TMEM132E: variants seen among roughly 807,000 people sequenced by gnomAD.
The protein encoded by TMEM132E is transmembrane protein 132E.
Under a neutral mutation model 78.5 loss-of-function variants are expected in TMEM132E, and 49 were observed. The ratio of observed to expected loss-of-function variants is 0.62; its 90% CI spans 0.50 to 0.79. The LOEUF (loss-of-function observed/expected upper bound fraction) is 0.79, where lower values mean the gene tolerates loss of function less well. Ranked by LOEUF, TMEM132E falls within the 30% of genes least tolerant of loss-of-function variation. TMEM132E has a pLI of 0.00. For synonymous variants in TMEM132E, 715 were observed against 670.6 expected (o/e 1.07, Z -1.02); for missense variants, 1,403 against 1,470.9 (o/e 0.95, Z 0.75).
In TMEM132E at chr17:34,626,155, C is replaced by T; in HGVS notation, c.96C>T (p.Pro32=). The stretch of plus-strand genomic sequence containing the variant: ...CTGGCCGCTCCCACCCGGCCAGCCC[C>T]AGCCCGCCGGGGCCGCAGGCCAGCC... The part of the protein sequence containing the change: ...HASGRSHPAS[P]SPPGPQASPV... Residue 32 remains proline (P), a synonymous_variant, in exon 2 of 9, where the codon CCC becomes CCT. Coordinates refer to ENST00000631683, the MANE Select transcript of TMEM132E (RefSeq NM_001304438.2). 6.5e-7 allele frequency: 1 copy of T among 1,546,484 alleles called. No individual in the cohort carries two copies. Among genetic ancestry groups the T allele is most frequent in the Non-Finnish European group, 8.7e-7 (1 of 1,148,476 alleles).
At chr17:34,593,996 C>T (rs376810130) in intron 1 of TMEM132E, among the ~76,000 whole-genome samples, 57 of 152,286 alleles carry the variant, frequency 3.7e-4, no homozygotes, top group African/African-American at 1.3e-3. Flanking sequence ...CGAATAAACA[C>T]GATTCCCGCC....
chr17:34,632,654 A>T, intron 5 of TMEM132E, 50 bp from the exon 6 acceptor site: 1 of 1,606,016 alleles, frequency 6.2e-7, no homozygotes, highest in African/African-American at 1.3e-5. Flanking sequence ...GCACTGCCTC[A>T]CAGGAAGACC....
At position 34,638,213 on chromosome 17, in the gene TMEM132E, G is replaced by C. The variant is rs925259861; in HGVS notation, c.3206G>C (p.Arg1069Thr). Residue 1069 changes from arginine (R) to threonine (T), a missense_variant, in exon 9 of 9, where the codon AGA (arginine) becomes ACA (threonine). Physicochemically the swap from Arg to Thr is moderately conservative, Grantham distance 71. This residue lies in a region of TMEM132E where 888 missense variants were observed against 952.8 expected (regional missense o/e 0.93). Coordinates refer to ENST00000631683, the MANE Select transcript of TMEM132E (RefSeq NM_001304438.2). Reference protein sequence around the residue: ...APPDLHNYMRRIKEIA With the variant: ...APPDLHNYMRTIKEIA ...CCGGACCTGCACAATTACATGCGCA[G>C]AATCAAAGAGATTGCATAGAGGCGC... 6.3e-7 allele frequency: 1 copy of C among 1,593,648 alleles called. No individual in the cohort carries two copies. The highest frequency in any genetic ancestry group is 8.5e-7 in the Non-Finnish European group (1 of 1,171,636).
At chr17:34,585,299 C>T (rs1414202092) in intron 1 of TMEM132E, among the ~76,000 whole-genome samples, 1 of 152,148 alleles carries the variant, frequency 6.6e-6, no homozygotes. Context: ...GTCTCCTAGG[C>T]CCTTGCCGGG....
intron 1 of TMEM132E, among the ~76,000 whole-genome samples, chr17:34,624,046 G>C (rs1461268453): frequency 3.3e-5 from 5 of 152,212 alleles, no homozygotes; most frequent in African/African-American, 1.2e-4. Context: ...GAAGTGGTGA[G>C]AGCATGTGCC....
chr17:34,591,188 G>C (rs1343263925), intron 1 of TMEM132E, among the ~76,000 whole-genome samples: 2 of 152,150 alleles, frequency 1.3e-5, no homozygotes, highest in Non-Finnish European at 2.9e-5. Context: ...GGACATGCCT[G>C]TGACTTCACA....
intron 1 of TMEM132E, chr17:34,614,814 T>A (rs1351578333): frequency 6.6e-6 from 1 of 152,280 alleles, no homozygotes; most frequent in Non-Finnish European, 1.5e-5. Context: ...GAGGTCCACA[T>A]CACCCTATCC....
At chr17:34,601,108 A>G (rs1274972580) in intron 1 of TMEM132E, among the ~76,000 whole-genome samples, 1 of 152,224 alleles carries the variant, frequency 6.6e-6, no homozygotes, top group Non-Finnish European at 1.5e-5. Context: ...TGCAGTTTTC[A>G]GGAGGATTTC....
intron 1 of TMEM132E, among the ~76,000 whole-genome samples, chr17:34,601,754 C>A (rs896271296): frequency 6.6e-6 from 1 of 152,180 alleles, no homozygotes; most frequent in Non-Finnish European, 1.5e-5. Flanking sequence ...AGGAGGCAGT[C>A]TCCTGGCTAC....
At chr17:34,629,307 T>C (rs1907267616) in intron 4 of TMEM132E, 103 bp downstream of exon 4, 10 of 1,262,224 alleles carry the variant, frequency 7.9e-6, no homozygotes, top group Admixed American at 2.4e-5. Flanking sequence ...CAAATTGACA[T>C]GTGTGTATAT....
chr17:34,629,525 G>T (rs961829980), intron 4 of TMEM132E, among the ~76,000 whole-genome samples: 12 of 152,186 alleles, frequency 7.9e-5, no homozygotes, highest in Non-Finnish European at 1.6e-4. Context: ...TCCCAGAGAT[G>T]CAGGGTGTGT....
chr17:34,613,185 ACACACACACACC>A (rs1324239418), intron 1 of TMEM132E, among the ~76,000 whole-genome samples: 97 of 107,576 alleles, frequency 9.0e-4, no homozygotes, highest in African/African-American at 2.8e-3. Flanking sequence ...ACACACACAC[ACACACACACACC>A]CACACACACA....
At chr17:34,614,671 A>G (rs961503495) in intron 1 of TMEM132E, 6 of 152,222 alleles carry the variant, frequency 3.9e-5, no homozygotes, top group African/African-American at 1.4e-4. Flanking sequence ...TGTCCCCTAC[A>G]TCTGATATCT....
At chr17:34,588,393 T>C (rs1905751905) in intron 1 of TMEM132E, among the ~76,000 whole-genome samples, 1 of 152,204 alleles carries the variant, frequency 6.6e-6, no homozygotes, top group Admixed American at 6.5e-5. Context: ...TCTGCCTCTG[T>C]ATTCCCAGAG....
intron 1 of TMEM132E, among the ~76,000 whole-genome samples, chr17:34,604,719 G>A (rs1418807282): frequency 6.6e-6 from 1 of 152,176 alleles, no homozygotes; most frequent in Non-Finnish European, 1.5e-5. Flanking sequence ...CCTTGAGGGA[G>A]CAAAGAAAGG....
At chr17:34,588,162 C>T (rs1046262918) in intron 1 of TMEM132E, among the ~76,000 whole-genome samples, 6 of 152,162 alleles carry the variant, frequency 3.9e-5, no homozygotes, top group Admixed American at 2.0e-4. Context: ...GCATGCTGTT[C>T]CCTCTGACCA....
Position 34,638,305 on chromosome 17 carries a change from CG to C in TMEM132E, c.*75del. 1 of 1,388,384 alleles carries C rather than the reference CG, an allele frequency of 7.2e-7. No individual in the cohort carries two copies. The highest frequency in any genetic ancestry group is 9.6e-7 in the Non-Finnish European group (1 of 1,043,814). 86.0% of individuals were successfully genotyped at this position (1,388,384 alleles called of 1,614,324 possible). On this transcript the variant is annotated 3_prime_UTR_variant, in exon 9 of 9. Coordinates refer to ENST00000631683, the MANE Select transcript of TMEM132E (RefSeq NM_001304438.2). ...TCGGGGTAGGACACAGCCGGGACCC[CG>C]GTTCACACTGACTCTGGGCGGCTGA...
chr17:34,581,065 C>A lies in TMEM132E; in HGVS notation c.-12C>A. Reference sequence around the variant, plus strand: ...GTTGCTCTCTCGGACCCCTCCCGCCCCCGCCTCGGCCATGGCCCCGGGGAT... The same window carrying A: ...GTTGCTCTCTCGGACCCCTCCCGCCACCGCCTCGGCCATGGCCCCGGGGAT... On this transcript the variant is annotated 5_prime_UTR_variant, in exon 1 of 9. Coordinates refer to ENST00000631683, the MANE Select transcript of TMEM132E (RefSeq NM_001304438.2). The A allele has an allele frequency of 1.3e-6, 2 of 1,542,456 alleles. No individual in the cohort carries two copies. The highest frequency in any genetic ancestry group is 2.5e-5 in the East Asian group (1 of 40,070).
At position 34,581,216 on chromosome 17, in the gene TMEM132E, G is replaced by A. The variant is rs944620826; in HGVS notation, c.67+73G>A. ...TGGAGGGGGTACGGGGAAGACTGGG[G>A]AGAGGAGCACCCACACCCCCTGGAC... On this transcript the variant is annotated intron_variant, in intron 1 of 8. Coordinates refer to ENST00000631683, the MANE Select transcript of TMEM132E (RefSeq NM_001304438.2). The A allele has an allele frequency of 8.8e-6, 12 of 1,357,554 alleles. No individual in the cohort carries two copies. The African/African-American group carries it at 9.1e-5, about 10-fold the overall frequency. The allele number at this position is 1,357,554 out of a possible 1,614,324, so 84.1% of individuals were successfully genotyped here.
Sources: gnomAD v4.1 joint callset for allele counts (sites outside exome capture counted in the v4.1 genomes callset) on GRCh38, gnomAD v4.1.1 for gene constraint, gnomAD v4.1.1 regional missense constraint, MANE v1.5 for transcripts, NCBI Gene and HGNC (gene_info 2026-07-23, HGNC 2026-07-21) for gene names.